Variants in C2orf76 observed in about 807,000 individuals in gnomAD.
The protein encoded by C2orf76 is chromosome 2 open reading frame 76.
A neutral mutation model predicts 16.9 loss-of-function variants in C2orf76; 23 were observed. The ratio of observed to expected loss-of-function variants is 1.36; its 90% CI spans 0.98 to 1.93. C2orf76 has a LOEUF of 1.93. Ranked by LOEUF, C2orf76 falls within the 30% of genes most tolerant of loss-of-function variation. The pLI is 0.00. For missense variants in C2orf76, 152 were observed against 152.6 expected (o/e 1.00, Z 0.02); for synonymous variants, 48 against 52.3 (o/e 0.92, Z 0.35).
At chr2:119,366,913 G>T, upstream of C2orf76, 1 of 1,117,698 alleles carries the variant, frequency 8.9e-7, no homozygotes, top group Non-Finnish European at 1.3e-6. Flanking sequence ...GCTTCTGATT[G>T]GCTTTCCGGT....
chr2:119,365,261 A>G (rs1680899913), intron 1 of C2orf76, among the ~76,000 whole-genome samples: 1 of 152,214 alleles, frequency 6.6e-6, no homozygotes, highest in Admixed American at 6.5e-5. Flanking sequence ...AGTTTCCATC[A>G]AGGAAGCTGT....
intron 4 of C2orf76, among the ~76,000 whole-genome samples, chr2:119,314,006 T>C (rs1462102008): frequency 6.9e-6 from 1 of 143,932 alleles, no homozygotes; most frequent in Non-Finnish European, 1.5e-5. Flanking sequence ...TCCTTGCTTT[T>C]CTCAGTGGTT....
At position 119,318,532 on chromosome 2, in the gene C2orf76, AT is replaced by A. The variant is rs10661549; in HGVS notation, c.185-1030del. Among the ~76,000 whole-genome samples, 765 of 144,304 alleles carry A rather than the reference AT, an allele frequency of 5.3e-3. 13 individuals are homozygous for A. In the South Asian group the frequency reaches 0.053, roughly 10 times the overall value. 94.7% of individuals were successfully genotyped at this position (144,304 alleles called of 152,430 possible). ...AGTCAACTTTCAGTTATCTATTGCA[AT>A]TTTTTTTTTTTTTTGAGACGGAGTC... On this transcript the variant is annotated intron_variant, in intron 3 of 5. Transcript: ENST00000334816.
chr2:119,335,119 G>C (rs990300205), intron 2 of C2orf76, among the ~76,000 whole-genome samples: 1 of 152,298 alleles, frequency 6.6e-6, no homozygotes, highest in African/African-American at 2.4e-5. Flanking sequence ...CACGTTTAAT[G>C]TATTTGTATA....
Position 119,330,099 on chromosome 2 carries a change from C to T in C2orf76, c.134-8895G>A, listed in dbSNP as rs528209730. Among the ~76,000 whole-genome samples, 600 of 152,258 alleles carry T rather than the reference C, an allele frequency of 3.9e-3. 3 individuals are homozygous for T. The highest frequency in any genetic ancestry group is 0.013 in the African/African-American group (529 of 41,560). ...TTTAAAGAAGTTACTCCAGGCCAGA[C>T]ACAGTGGCTCACATCTGTAATCTCA... On this transcript the variant is annotated intron_variant, in intron 2 of 5. Transcript: ENST00000334816.
the C2orf76 span, among the ~76,000 whole-genome samples, chr2:119,293,646 A>C: frequency 1.3e-5 from 2 of 152,230 alleles, no homozygotes; most frequent in African/African-American, 4.8e-5. Flanking sequence ...GCAATAGTCC[A>C]GGTAAGAATG....
the C2orf76 span, among the ~76,000 whole-genome samples, chr2:119,284,467 C>A: frequency 5.3e-5 from 8 of 152,148 alleles, no homozygotes. Context: ...TGCACTCCTG[C>A]GTCCCTGTCA....
chr2:119,340,084 C>T lies in C2orf76; in HGVS notation c.-12-113G>A. ...GCACCAGCCCCGCTCTTCCATGCTG[C>T]ATGATCACTGACAGAGTTCCCAAAC... On this transcript the variant is annotated intron_variant, in intron 1 of 5. Coordinates refer to ENST00000334816, the MANE Select transcript of C2orf76 (RefSeq NM_001322331.2). 3 of 1,191,776 alleles carry T rather than the reference C, an allele frequency of 2.5e-6. No individual in the cohort carries two copies. The South Asian group carries it at 4.7e-5, about 19-fold the overall frequency. The allele number at this position is 1,191,776 out of a possible 1,614,324, so 73.8% of individuals were successfully genotyped here. A position where few individuals can be genotyped will look rare whatever the true frequency, so the allele number is the denominator to read the frequency against.
intron 5 of C2orf76, chr2:119,311,367 A>G: frequency 1.0e-6 from 1 of 985,430 alleles, no homozygotes; most frequent in Non-Finnish European, 1.2e-6. Flanking sequence ...AATGACCCTC[A>G]GGAGAATTCT....
chr2:119,311,053 G>A (rs1678968864), intron 5 of C2orf76: 1 of 602,692 alleles, frequency 1.7e-6, no homozygotes, highest in Non-Finnish European at 2.1e-6. Flanking sequence ...GAATAACAGT[G>A]ACATCTAATG....
chr2:119,327,474 T>G (rs1187828173), intron 2 of C2orf76, among the ~76,000 whole-genome samples: 1 of 151,742 alleles, frequency 6.6e-6, no homozygotes, highest in Non-Finnish European at 1.5e-5. Context: ...AAGTTGGCGA[T>G]GAGCCTAGTG....
the C2orf76 span, among the ~76,000 whole-genome samples, chr2:119,289,341 A>G: frequency 6.6e-6 from 1 of 152,020 alleles, no homozygotes; most frequent in Non-Finnish European, 1.5e-5. Flanking sequence ...CACTTAACCA[A>G]GTCTCCTTGA....
At chr2:119,285,857 G>A in the C2orf76 span, among the ~76,000 whole-genome samples, 8 of 152,148 alleles carry the variant, frequency 5.3e-5, no homozygotes, top group African/African-American at 1.9e-4. Context: ...AGTGTGTGCA[G>A]GCCATGGAGA....
downstream of C2orf76, among the ~76,000 whole-genome samples, chr2:119,301,434 C>T (rs955941515): frequency 6.6e-6 from 1 of 152,100 alleles, no homozygotes; most frequent in Admixed American, 6.6e-5. Flanking sequence ...ATAATGAAAC[C>T]AATTTGCCCT....
At chr2:119,359,658 G>A (rs1448495681) in intron 1 of C2orf76, among the ~76,000 whole-genome samples, 2 of 152,192 alleles carry the variant, frequency 1.3e-5, no homozygotes, top group Non-Finnish European at 2.9e-5. Context: ...GAAATAGCAA[G>A]ACAACTAGAA....
intron 1 of C2orf76, among the ~76,000 whole-genome samples, chr2:119,365,625 G>C (rs557764677): frequency 6.6e-6 from 1 of 152,298 alleles, no homozygotes; most frequent in South Asian, 2.1e-4. Context: ...TTATGAATTA[G>C]AGAGGAATGA....
intron 1 of C2orf76, among the ~76,000 whole-genome samples, chr2:119,365,979 C>T (rs1029865998): frequency 6.6e-6 from 1 of 152,146 alleles, no homozygotes; most frequent in African/African-American, 2.4e-5. Flanking sequence ...TACTCTTCCC[C>T]TGGTTCCTTG....
chr2:119,318,408 T>C lies in C2orf76; in HGVS notation c.185-905A>G, dbSNP rs541564944. Among the ~76,000 whole-genome samples the C allele has an allele frequency of 4.6e-5, 7 of 152,360 alleles. No homozygotes were observed. In the South Asian group the frequency reaches 1.2e-3, roughly 27 times the overall value. On this transcript the variant is annotated intron_variant, in intron 3 of 5. Transcript: ENST00000334816. ...CAGTGACAGGAAATGAAAGGATCTATTTTTAAAACAGACCTTATTTAACTA... is the reference window on the plus strand; with the variant it reads ...CAGTGACAGGAAATGAAAGGATCTACTTTTAAAACAGACCTTATTTAACTA...
the C2orf76 span, among the ~76,000 whole-genome samples, chr2:119,284,585 G>C: frequency 2.6e-5 from 4 of 151,630 alleles, no homozygotes; most frequent in South Asian, 8.4e-4. Flanking sequence ...ACCGTTCCAG[G>C]TTTCCTGTTA....
Sources: allele counts gnomAD v4.1 joint callset (sites outside exome capture counted in the v4.1 genomes callset), GRCh38; gene constraint gnomAD v4.1.1; transcripts MANE v1.5; gene names NCBI Gene and HGNC (gene_info 2026-07-23, HGNC 2026-07-21).